Variants in UBE2E1 observed in about 807,000 individuals in gnomAD.
The protein encoded by UBE2E1 is ubiquitin conjugating enzyme E2 E1, also known as ubiquitin-conjugating enzyme E2 E1.
UBE2E1 carries 6 observed loss-of-function variants against 21.4 expected under a neutral mutation model. The observed-to-expected ratio is 0.28, with a 90% CI of 0.15 to 0.55. The LOEUF (loss-of-function observed/expected upper bound fraction) is 0.55. Ranked by LOEUF, UBE2E1 falls within the 20% of genes least tolerant of loss-of-function variation. The pLI is 0.93. For synonymous variants in UBE2E1, 87 were observed against 82.7 expected (o/e 1.05, Z -0.28); for missense variants, 142 against 236.5 (o/e 0.60, Z 2.62).
Position 23,842,456 on chromosome 3 carries a change from G to T in UBE2E1, c.203+30946G>T, listed in dbSNP as rs530196824. On this transcript the variant is annotated intron_variant, in intron 3 of 5. Transcript: ENST00000306627. The surrounding 1 kb of genome is among the most constrained non-coding windows in gnomAD (Gnocchi z 4.6). ...GAGACGGAGTCGTGCCATGTTGCCC[G>T]GCCTGTTGTTCGTTTTTCTTTGAAG... Among the ~76,000 whole-genome samples the T allele has an allele frequency of 6.6e-6, 1 of 151,838 alleles. No homozygotes were observed. Among genetic ancestry groups the T allele is most frequent in the South Asian group, 2.1e-4 (1 of 4,794 alleles).
intron 3 of UBE2E1, among the ~76,000 whole-genome samples, chr3:23,871,833 C>G (rs1352899675): frequency 6.6e-6 from 1 of 151,786 alleles, no homozygotes; most frequent in Non-Finnish European, 1.5e-5. Context: ...GGAAGAGGCG[C>G]TCCTCACTTC....
At chr3:23,813,723 G>T (rs532522416) in intron 3 of UBE2E1, among the ~76,000 whole-genome samples, 1 of 151,990 alleles carries the variant, frequency 6.6e-6, no homozygotes, top group East Asian at 1.9e-4. Flanking sequence ...TTGTATTTTG[G>T]GTAGAGATGG....
chr3:23,859,784 C>T (rs1700511832), intron 3 of UBE2E1, among the ~76,000 whole-genome samples: 1 of 152,146 alleles, frequency 6.6e-6, no homozygotes, highest in Non-Finnish European at 1.5e-5. Flanking sequence ...TTTTAAAGCC[C>T]TTAATGATTT....
intron 3 of UBE2E1, among the ~76,000 whole-genome samples, chr3:23,878,752 A>G (rs573711368): frequency 6.6e-6 from 1 of 152,174 alleles, no homozygotes; most frequent in Non-Finnish European, 1.5e-5. Context: ...TCACCCCCAC[A>G]TGGGACTGTC....
intron 3 of UBE2E1, among the ~76,000 whole-genome samples, chr3:23,880,239 T>TG (rs1456511791): frequency 2.0e-5 from 3 of 152,112 alleles, no homozygotes; most frequent in Non-Finnish European, 1.5e-5. Context: ...AAAAATTAGC[T>TG]GGGTGTGGTG....
At chr3:23,817,209 A>G (rs1699542345) in intron 3 of UBE2E1, among the ~76,000 whole-genome samples, 1 of 152,106 alleles carries the variant, frequency 6.6e-6, no homozygotes, top group Non-Finnish European at 1.5e-5. Flanking sequence ...TTGGGAGGCC[A>G]AGGCGGGTAG....
In UBE2E1 at chr3:23,887,711, C is replaced by T. The variant is rs372926127; in HGVS notation, c.336+12C>T. 9 of 1,593,718 alleles carry T rather than the reference C, an allele frequency of 5.6e-6. No individual in the cohort carries two copies. Among genetic ancestry groups the T allele is most frequent in the Admixed American group, 1.9e-5 (1 of 53,032 alleles). ...TCAAGCCTCCAAAGGTAAGAAATCT[C>T]CCTGTATGCTCAAATTTACTAATTC... On this transcript the variant is annotated intron_variant, in intron 4 of 5. Coordinates refer to ENST00000306627, the MANE Select transcript of UBE2E1 (RefSeq NM_003341.5). This position sits in a 1 kb window ranked among gnomAD's most constrained non-coding sequence, Gnocchi z 4.4.
At chr3:23,819,637 A>T (rs1479271182) in intron 3 of UBE2E1, among the ~76,000 whole-genome samples, 1 of 152,232 alleles carries the variant, frequency 6.6e-6, no homozygotes, top group African/African-American at 2.4e-5. Flanking sequence ...GTTAAAACAC[A>T]AAAACCTAAT....
At chr3:23,847,017 A>T (rs944026156) in intron 3 of UBE2E1, among the ~76,000 whole-genome samples, 2 of 152,192 alleles carry the variant, frequency 1.3e-5, no homozygotes, top group African/African-American at 4.8e-5. Flanking sequence ...TAATTCTTGA[A>T]ACTCACCAAA....
At chr3:23,841,692 T>G (rs1386892739) in intron 3 of UBE2E1, among the ~76,000 whole-genome samples, 1 of 152,250 alleles carries the variant, frequency 6.6e-6, no homozygotes, top group Non-Finnish European at 1.5e-5. Context: ...GAGCCACATT[T>G]GTAGCCACCA....
intron 3 of UBE2E1, among the ~76,000 whole-genome samples, chr3:23,886,888 T>C (rs1701198966): frequency 6.6e-6 from 1 of 152,238 alleles, no homozygotes; most frequent in Admixed American, 6.5e-5. Flanking sequence ...AATGGTATTG[T>C]GGCCAAATTA....
chr3:23,890,420 C>A, intron 5 of UBE2E1, 89 bp from the exon 6 acceptor site: 2 of 1,216,908 alleles, frequency 1.6e-6, no homozygotes, highest in Non-Finnish European at 2.3e-6. Flanking sequence ...CATACTTTGT[C>A]GTACGTATCT....
chr3:23,872,519 G>T (rs1700825822), intron 3 of UBE2E1, among the ~76,000 whole-genome samples: 1 of 152,048 alleles, frequency 6.6e-6, no homozygotes, highest in Non-Finnish European at 1.5e-5. Flanking sequence ...CTGCCCAGTG[G>T]TTCTCAAACT....
At chr3:23,818,937 T>C (rs554133639) in intron 3 of UBE2E1, among the ~76,000 whole-genome samples, 2 of 152,034 alleles carry the variant, frequency 1.3e-5, no homozygotes, top group African/African-American at 4.8e-5. Context: ...AGAACTTAGG[T>C]GTATGTTTTG....
intron 3 of UBE2E1, among the ~76,000 whole-genome samples, chr3:23,858,200 G>A (rs1160048222): frequency 4.6e-5 from 7 of 152,140 alleles, no homozygotes; most frequent in Admixed American, 2.6e-4. Flanking sequence ...CAATGCAGAG[G>A]GCAGACATAG....
chr3:23,881,172 C>T (rs1701029947), intron 3 of UBE2E1, among the ~76,000 whole-genome samples: 1 of 152,100 alleles, frequency 6.6e-6, no homozygotes, highest in Non-Finnish European at 1.5e-5. Flanking sequence ...CATGGCCATC[C>T]CCGCTCCTAT....
intron 3 of UBE2E1, among the ~76,000 whole-genome samples, chr3:23,812,414 C>A (rs948594744): frequency 6.6e-6 from 1 of 152,114 alleles, no homozygotes; most frequent in African/African-American, 2.4e-5. Context: ...AAGTATTCAG[C>A]GGCTATACAC....
At position 23,816,445 on chromosome 3, in the gene UBE2E1, G is replaced by A. The variant is rs1699519551; in HGVS notation, c.203+4935G>A. On this transcript the variant is annotated intron_variant, in intron 3 of 5. Coordinates refer to ENST00000306627, the MANE Select transcript of UBE2E1 (RefSeq NM_003341.5). The surrounding 1 kb of genome is among the most constrained non-coding windows in gnomAD (Gnocchi z 4.8). ...AAGTGGGCTGGGCGCAGTGGATTAC[G>A]CTTGTAATCCCAGCACTTTGGGAGG... Among the ~76,000 whole-genome samples, 1 of 152,152 alleles carries A rather than the reference G, an allele frequency of 6.6e-6. No homozygotes were observed. Among genetic ancestry groups the A allele is most frequent in the Non-Finnish European group, 1.5e-5 (1 of 68,018 alleles).
chr3:23,852,107 G>T (rs1439520736), intron 3 of UBE2E1, among the ~76,000 whole-genome samples: 1 of 152,116 alleles, frequency 6.6e-6, no homozygotes, highest in African/African-American at 2.4e-5. Flanking sequence ...GCTTCCTGAG[G>T]CCTCACCAGA....
Sources: gnomAD v4.1 joint callset for allele counts (sites outside exome capture counted in the v4.1 genomes callset) on GRCh38, gnomAD v4.1.1 for gene constraint, Gnocchi (gnomAD v3.1) non-coding constraint, MANE v1.5 for transcripts, NCBI Gene and HGNC (gene_info 2026-07-23, HGNC 2026-07-21) for gene names.